MAGI1: variants seen among roughly 807,000 people sequenced by gnomAD.
MAGI1 encodes membrane-associated guanylate kinase, WW and PDZ domain-containing protein 1.
In MAGI1, 58 loss-of-function variants were observed where a neutral mutation model predicts 139.9. The ratio of observed to expected loss-of-function variants is 0.41; its 90% CI spans 0.34 to 0.52. The LOEUF (loss-of-function observed/expected upper bound fraction) is 0.52, where lower values mean the gene tolerates loss of function less well. Ranked by LOEUF, MAGI1 falls within the 20% of genes least tolerant of loss-of-function variation. The pLI, the probability that MAGI1 is intolerant of heterozygous loss-of-function variation, is 0.12. For synonymous variants in MAGI1, 812 were observed against 737.9 expected, an observed-to-expected ratio of 1.10 and a Z score of -1.63; for missense variants, 1,874 against 1,901.6, an observed-to-expected ratio of 0.99 and a Z score of 0.27.
rs761124349 is a variant in MAGI1 at position 65,442,795 on chromosome 3, A to G, written c.1133T>C (p.Val378Ala). Residue 378 changes from valine to alanine, a missense_variant, in exon 8 of 23, where the codon GTA (valine) becomes GCA (alanine). Around this residue, in one of 5 missense-constraint regions of MAGI1, gnomAD observed 648 missense variants for 598.1 expected, o/e 1.08. Transcript: ENST00000402939. ...TGGATTGTGAATGGGCACTTACTCT[A>G]CATAGTAGATACCATAGACAGGGTC... ...IEDPVYGIYY[V>A]DHINRKTQYE... The G allele has an allele frequency of 7.4e-6, 12 of 1,611,856 alleles. No individual in the cohort carries two copies. Among genetic ancestry groups the G allele is most frequent in the Non-Finnish European group, 1.0e-5 (12 of 1,178,242 alleles).
chr3:66,011,540 T>C (rs2067320719), intron 1 of MAGI1, among the ~76,000 whole-genome samples: 1 of 151,836 alleles, frequency 6.6e-6, no homozygotes, highest in East Asian at 1.9e-4. Flanking sequence ...CTGCAGAGAG[T>C]CACCTTCCCT....
chr3:65,842,340 C>G (rs1325728560), intron 1 of MAGI1, among the ~76,000 whole-genome samples: 1 of 150,930 alleles, frequency 6.6e-6, no homozygotes, highest in East Asian at 2.0e-4. Context: ...TTCCATATCC[C>G]CTGAAATTTT....
intron 1 of MAGI1, among the ~76,000 whole-genome samples, chr3:65,837,011 T>C (rs1397158922): frequency 6.6e-6 from 1 of 152,122 alleles, no homozygotes; most frequent in Admixed American, 6.5e-5. Flanking sequence ...CCTGTGACCT[T>C]TCCTCACAGA....
intron 1 of MAGI1, among the ~76,000 whole-genome samples, chr3:65,895,619 G>T (rs965901388): frequency 6.6e-6 from 1 of 152,082 alleles, no homozygotes; most frequent in Non-Finnish European, 1.5e-5. Flanking sequence ...TGTATCAAAG[G>T]GAATAACTTA....
intron 2 of MAGI1, among the ~76,000 whole-genome samples, chr3:65,596,432 A>G (rs1576429145): frequency 6.6e-6 from 1 of 152,176 alleles, no homozygotes. Flanking sequence ...GCTAGCACAC[A>G]CTCATAAGTA....
intron 1 of MAGI1, among the ~76,000 whole-genome samples, chr3:65,791,180 T>C (rs993368629): frequency 2.6e-5 from 4 of 152,220 alleles, no homozygotes; most frequent in Non-Finnish European, 4.4e-5. Flanking sequence ...CATGCCTCCA[T>C]TACTGCCAAC....
chr3:65,692,367 G>A (rs890218921), intron 1 of MAGI1, among the ~76,000 whole-genome samples: 4 of 152,168 alleles, frequency 2.6e-5, no homozygotes, highest in South Asian at 2.1e-4. Context: ...AACTATACTA[G>A]GTGATGGGGA....
In MAGI1 at chr3:65,353,562, A is replaced by G. The variant is rs1426788780; in HGVS notation, c.*2816T>C. 6.6e-6 allele frequency: 1 copy of G among 152,232 alleles called. No homozygotes were observed. The highest frequency in any genetic ancestry group is 6.5e-5 in the Admixed American group (1 of 15,274). 9.4% of individuals were successfully genotyped at this position (152,232 alleles called of 1,614,324 possible). On this transcript the variant is annotated 3_prime_UTR_variant, in exon 23 of 23. Coordinates refer to ENST00000402939, the MANE Select transcript of MAGI1 (RefSeq NM_001033057.2). ...TGCATACATTTCCATGTATTTTTACAGTAAAAATGCATTAAAAAATCTTTC... is the reference window on the plus strand; with the variant it reads ...TGCATACATTTCCATGTATTTTTACGGTAAAAATGCATTAAAAAATCTTTC...
intron 2 of MAGI1, 58 bp downstream of exon 2, chr3:65,621,914 T>C (rs2083688471): frequency 8.9e-7 from 1 of 1,122,304 alleles, no homozygotes; most frequent in South Asian, 1.3e-5. Flanking sequence ...TCCCCTGGAC[T>C]TTTCACACAC....
At chr3:65,505,111 T>C (rs2107717094) in intron 2 of MAGI1, among the ~76,000 whole-genome samples, 2 of 152,278 alleles carry the variant, frequency 1.3e-5, no homozygotes, top group South Asian at 4.1e-4. Flanking sequence ...AAAAGTTGTC[T>C]ATGAGAAAAG....
intron 2 of MAGI1, among the ~76,000 whole-genome samples, chr3:65,594,754 C>T (rs13324284): frequency 3.8e-3 from 585 of 152,186 alleles, no homozygotes; most frequent in African/African-American, 0.014. Flanking sequence ...TATGCAAATA[C>T]AGTTGCAAAG....
At chr3:65,855,856 A>T (rs1175593019) in intron 1 of MAGI1, among the ~76,000 whole-genome samples, 1 of 151,434 alleles carries the variant, frequency 6.6e-6, no homozygotes, top group East Asian at 2.0e-4. Context: ...ATGTGTATCC[A>T]CTCACTCATT....
intron 6 of MAGI1, among the ~76,000 whole-genome samples, chr3:65,450,137 T>C (rs1948940697): frequency 6.6e-6 from 1 of 152,076 alleles, no homozygotes; most frequent in African/African-American, 2.4e-5. Flanking sequence ...CTAGTGGGGA[T>C]GAAGAGCAGA....
At chr3:65,918,535 C>T (rs559731211) in intron 1 of MAGI1, among the ~76,000 whole-genome samples, 2 of 152,048 alleles carry the variant, frequency 1.3e-5, no homozygotes, top group Non-Finnish European at 2.9e-5. Context: ...TGTGCACCAC[C>T]ACGCCCAGCT....
At chr3:65,994,360 TGAGA>T (rs562698838) in intron 1 of MAGI1, among the ~76,000 whole-genome samples, 1 of 150,214 alleles carries the variant, frequency 6.7e-6, no homozygotes, top group Non-Finnish European at 1.5e-5. Flanking sequence ...CAGCAAAGAG[TGAGA>T]GACTCAGTGC....
At chr3:65,713,009 G>A (rs78131267) in intron 1 of MAGI1, among the ~76,000 whole-genome samples, 2 of 152,230 alleles carry the variant, frequency 1.3e-5, no homozygotes, top group African/African-American at 2.4e-5. Flanking sequence ...CTCATAGCTA[G>A]GAAAGGAATC....
At position 65,958,006 on chromosome 3, in the gene MAGI1, G is replaced by A. The variant is rs187462638; in HGVS notation, c.313+79990C>T. Among the ~76,000 whole-genome samples the A allele has an allele frequency of 8.5e-4, 130 of 152,140 alleles. 1 individual carries two copies. The highest frequency in any genetic ancestry group is 3.4e-3 in the Middle Eastern group (1 of 294). ...ACTCTTGACCTCAGGTGATACACCC[G>A]CCTCAGCCTCCCAAAGTGCTGGAAT... On this transcript the variant is annotated intron_variant, in intron 1 of 22. Coordinates refer to ENST00000402939, the MANE Select transcript of MAGI1 (RefSeq NM_001033057.2).
chr3:65,444,720 A>G (rs1414011195), intron 7 of MAGI1, among the ~76,000 whole-genome samples: 1 of 152,152 alleles, frequency 6.6e-6, no homozygotes, highest in South Asian at 2.1e-4. Flanking sequence ...CTAGAAAAGA[A>G]GGTACCCGTG....
intron 1 of MAGI1, among the ~76,000 whole-genome samples, chr3:65,941,533 G>GT (rs1484613299): frequency 6.6e-6 from 1 of 152,100 alleles, no homozygotes; most frequent in Non-Finnish European, 1.5e-5. Flanking sequence ...TGTAGATGCA[G>GT]TAGCACTCTC....
Sources: gnomAD v4.1 joint callset for allele counts (sites outside exome capture counted in the v4.1 genomes callset) on GRCh38, gnomAD v4.1.1 for gene constraint, gnomAD v4.1.1 regional missense constraint, MANE v1.5 for transcripts, NCBI Gene and HGNC (gene_info 2026-07-23, HGNC 2026-07-21) for gene names.